PIWIL2: variants seen among roughly 807,000 people sequenced by gnomAD.
PIWIL2 encodes piwi-like protein 2.
PIWIL2 carries 81 observed loss-of-function variants against 116.5 expected under a neutral mutation model. The observed-to-expected ratio is 0.70, with a 90% CI of 0.58 to 0.84. The LOEUF is 0.84. Ranked by LOEUF, PIWIL2 falls within the 40% of genes least tolerant of loss-of-function variation. The pLI, the probability that PIWIL2 is intolerant of heterozygous loss-of-function variation, is 0.00. For missense variants in PIWIL2, 1,272 were observed against 1,212.3 expected, an observed-to-expected ratio of 1.05 and a Z score of -0.73; for synonymous variants, 489 against 429.5, an observed-to-expected ratio of 1.14 and a Z score of -1.71.
At chr8:22,310,644 G>A (rs1027427912) in intron 15 of PIWIL2, among the ~76,000 whole-genome samples, 4 of 151,826 alleles carry the variant, frequency 2.6e-5, no homozygotes, top group African/African-American at 9.7e-5. Context: ...ATAGACCTGT[G>A]TAATCCACAC....
At chr8:22,295,095 T>G (rs1287816176) in intron 10 of PIWIL2, among the ~76,000 whole-genome samples, 1 of 151,844 alleles carries the variant, frequency 6.6e-6, no homozygotes, top group Non-Finnish European at 1.5e-5. Context: ...AAAAAAAATA[T>G]TTTTATTTTC....
chr8:22,297,446 AAATC>A (rs1177409824), intron 10 of PIWIL2, among the ~76,000 whole-genome samples: 10 of 152,252 alleles, frequency 6.6e-5, no homozygotes, highest in Non-Finnish European at 1.3e-4. Context: ...TCCTGTTGAC[AAATC>A]AATCACCAGT....
intron 20 of PIWIL2, among the ~76,000 whole-genome samples, chr8:22,348,384 G>A (rs1832276747): frequency 1.3e-5 from 2 of 152,252 alleles, no homozygotes; most frequent in African/African-American, 4.8e-5. Context: ...TGAATGAATG[G>A]AGCCACACAT....
intron 8 of PIWIL2, 140 bp from the exon 9 acceptor site, chr8:22,289,707 C>G (rs1830713717): frequency 1.7e-6 from 1 of 590,158 alleles, no homozygotes; most frequent in South Asian, 2.5e-5. Context: ...CAAGATTGTT[C>G]TCAATATAAA....
intron 10 of PIWIL2, among the ~76,000 whole-genome samples, chr8:22,302,338 C>G (rs759455485): frequency 6.6e-6 from 1 of 151,938 alleles, no homozygotes; most frequent in Non-Finnish European, 1.5e-5. Flanking sequence ...CGCACCCCCA[C>G]GCCCAGTTAA....
chr8:22,354,680 T>C (rs1382448242), intron 22 of PIWIL2, among the ~76,000 whole-genome samples: 1 of 152,230 alleles, frequency 6.6e-6, no homozygotes, highest in Non-Finnish European at 1.5e-5. Context: ...CCCAGTGCCG[T>C]TGAGTTCAGA....
chr8:22,310,176 C>A, intron 15 of PIWIL2, 102 bp downstream of exon 15: 3 of 645,946 alleles, frequency 4.6e-6, no homozygotes, highest in South Asian at 2.0e-5. Flanking sequence ...AGGGAAAGTA[C>A]CAATTGAATC....
Position 22,354,282 on chromosome 8 carries a change from A to G in PIWIL2, c.2669A>G (p.Tyr890Cys), listed in dbSNP as rs577597815. The part of the protein sequence containing the change: ...TITSCEWVDF[Y>C]LLAHHVRQGC... ...GTTTTCCTTCCTAGGGTGGATTTCT[A>G]TCTTCTTGCCCATCATGTACGGCAG... The change falls in exon 22 of 23, where the codon TAT becomes TGT. Residue 890 changes from tyrosine (Y) to cysteine (C), a missense_variant. By Grantham distance (194) the Tyr-to-Cys change is radical (BLOSUM62 -2). Transcript: ENST00000356766. 8.7e-6 allele frequency: 14 copies of G among 1,611,416 alleles called. No homozygotes were observed. Among genetic ancestry groups the G allele is most frequent in the African/African-American group, 8.0e-5 (6 of 74,958 alleles).
Position 22,316,348 on chromosome 8 carries a change from C to T in PIWIL2, c.2297+15C>T. ...AGCATCAATCTGTAAGTACTGCTCA[C>T]AGTGCCATCTTGTTTGATTATTTCA... On this transcript the variant is annotated intron_variant, in intron 19 of 22. Coordinates refer to ENST00000356766, the MANE Select transcript of PIWIL2 (RefSeq NM_018068.5). 1 of 1,500,960 alleles carries T rather than the reference C, an allele frequency of 6.7e-7. No individual in the cohort carries two copies. Among genetic ancestry groups the T allele is most frequent in the Non-Finnish European group, 9.3e-7 (1 of 1,076,546 alleles). 93.0% of individuals were successfully genotyped at this position (1,500,960 alleles called of 1,614,324 possible).
chr8:22,277,183 G>A (rs2131971481), intron 1 of PIWIL2, among the ~76,000 whole-genome samples: 1 of 152,148 alleles, frequency 6.6e-6, no homozygotes, highest in East Asian at 1.9e-4. Context: ...CACCATGCCT[G>A]GCTAATTTTT....
chr8:22,283,157 G>A lies in PIWIL2; in HGVS notation c.549G>A (p.Gln183=), dbSNP rs769094695. The part of the protein sequence containing the change: ...TFSTPSRGPP[Q]LSSPPALPQS... ...GCACACCGTCCCGGGGTCCCCCGCA[G>A]CTGTCATCACCACCAGCTCTGCCCC... The change falls in exon 5 of 23, where the codon CAG becomes CAA. Residue 183 remains glutamine (Q), a synonymous_variant. Transcript: ENST00000356766. 1.2e-6 allele frequency: 2 copies of A among 1,614,132 alleles called. No homozygotes were observed. Among genetic ancestry groups the A allele is most frequent in the South Asian group, 2.2e-5 (2 of 91,084 alleles).
At position 22,287,528 on chromosome 8, in the gene PIWIL2, C is replaced by A; in HGVS notation, c.744C>A (p.Ser248Arg). 1.3e-6 allele frequency: 2 copies of A among 1,598,354 alleles called. No individual in the cohort carries two copies. The highest frequency in any genetic ancestry group is 1.7e-6 in the Non-Finnish European group (2 of 1,165,610). ...GAAAATCCTCTTCATTATTTTCCAG[C>A]CCCAATGTGGAGTGCAAAAGCATGA... The part of the protein sequence containing the change: ...EAVYQYHVTF[S>R]PNVECKSMRF... Residue 248 changes from serine to arginine, a missense_variant and splice_region_variant, in exon 7 of 23, where the codon AGC (serine) becomes AGA (arginine). Coordinates refer to ENST00000356766, the MANE Select transcript of PIWIL2 (RefSeq NM_018068.5).
Position 22,281,189 on chromosome 8 carries a change from C to A in PIWIL2, c.268C>A (p.Arg90=). ...AACAGTTTCTAAGACCCCTCTGAAA[C>A]GGGAAATGCTTCCATCAGGTATGTG... is the stretch of plus-strand genomic sequence containing the variant. ...IETVSKTPLK[R]EMLPSGRGIL... The change falls in exon 3 of 23, where the codon CGG becomes AGG. Residue 90 remains arginine, a synonymous_variant. Coordinates refer to ENST00000356766, the MANE Select transcript of PIWIL2 (RefSeq NM_018068.5). 6.2e-7 allele frequency: 1 copy of A among 1,611,082 alleles called. No individual in the cohort carries two copies.
At chr8:22,309,619 G>A (rs1274757193) in intron 14 of PIWIL2, among the ~76,000 whole-genome samples, 7 of 152,228 alleles carry the variant, frequency 4.6e-5, no homozygotes, top group South Asian at 2.1e-4. Context: ...GATTACAGGC[G>A]TGAGCCACGG....
At chr8:22,341,347 G>A (rs572007548) in intron 20 of PIWIL2, among the ~76,000 whole-genome samples, 1 of 151,628 alleles carries the variant, frequency 6.6e-6, no homozygotes, top group African/African-American at 2.4e-5. Flanking sequence ...TGTAATTCCG[G>A]CACTTTGGGA....
chr8:22,283,583 G>T (rs147531820), intron 5 of PIWIL2, among the ~76,000 whole-genome samples: 1 of 152,046 alleles, frequency 6.6e-6, no homozygotes, highest in African/African-American at 2.4e-5. Flanking sequence ...TAATTTTTTT[G>T]TATTTTTAGT....
chr8:22,348,704 G>A (rs1832283882), intron 20 of PIWIL2, among the ~76,000 whole-genome samples: 1 of 152,178 alleles, frequency 6.6e-6, no homozygotes, highest in Admixed American at 6.5e-5. Flanking sequence ...CAGGAGGATC[G>A]CTTGAGCCCA....
At chr8:22,299,852 G>A (rs1450418359) in intron 10 of PIWIL2, among the ~76,000 whole-genome samples, 1 of 152,104 alleles carries the variant, frequency 6.6e-6, no homozygotes, top group Admixed American at 6.6e-5. Context: ...TCAGCCTTCT[G>A]TCACTAGAGA....
At chr8:22,305,451 T>C (rs1831154165) in intron 12 of PIWIL2, among the ~76,000 whole-genome samples, 1 of 152,006 alleles carries the variant, frequency 6.6e-6, no homozygotes, top group Non-Finnish European at 1.5e-5. Flanking sequence ...CTCGGCCTCC[T>C]AAAGTGCTGG....
Sources: allele counts gnomAD v4.1 joint callset (sites outside exome capture counted in the v4.1 genomes callset), GRCh38; gene constraint gnomAD v4.1.1; transcripts MANE v1.5; gene names NCBI Gene and HGNC (gene_info 2026-07-23, HGNC 2026-07-21).